The following BDP1 variants were observed in gnomAD, a reference collection of about 807,000 sequenced individuals.
BDP1 encodes BDP1 general transcription factor IIIB subunit.
A neutral mutation model predicts 266.6 loss-of-function variants in BDP1; 169 were observed. The observed-to-expected ratio is 0.63, with a 90% CI of 0.56 to 0.72. The LOEUF is 0.72. Ranked by LOEUF, BDP1 falls within the 30% of genes least tolerant of loss-of-function variation. BDP1 has a pLI of 0.00. For missense variants in BDP1, 3,015 were observed against 3,053.8 expected (o/e 0.99, Z 0.30); for synonymous variants, 1,090 against 1,022.4 (o/e 1.07, Z -1.26).
intron 25 of BDP1, 30 bp from the exon 26 acceptor site, chr5:71,532,278 A>C: frequency 6.2e-7 from 1 of 1,606,910 alleles, no homozygotes. Context: ...TAATATGCCA[A>C]AATGAAATGA....
intron 37 of BDP1, 58 bp downstream of exon 37, chr5:71,560,295 A>T: frequency 1.3e-6 from 2 of 1,532,414 alleles, no homozygotes; most frequent in East Asian, 4.5e-5. Context: ...AATATAACCT[A>T]TACAGAACAG....
chr5:71,573,816 G>A, the BDP1 span, among the ~76,000 whole-genome samples: 3 of 152,162 alleles, frequency 2.0e-5, no homozygotes, highest in East Asian at 1.9e-4. Flanking sequence ...GCCACTAAAC[G>A]TTCCTGGGCC....
At chr5:71,489,375 A>G in intron 9 of BDP1, 29 bp from the exon 10 acceptor site, 2 of 1,538,956 alleles carry the variant, frequency 1.3e-6, no homozygotes, top group Non-Finnish European at 1.8e-6. Flanking sequence ...GGTTGTTTAA[A>G]TATTTATAGT....
intron 29 of BDP1, 108 bp from the exon 30 acceptor site, chr5:71,541,997 G>A (rs1766996210): frequency 4.7e-6 from 4 of 842,966 alleles, no homozygotes; most frequent in South Asian, 2.0e-5. Flanking sequence ...CTTGTAGACA[G>A]TGTGGCACCT....
chr5:71,522,518 ATT>A, intron 23 of BDP1, 28 bp downstream of exon 23: 2 of 1,361,084 alleles, frequency 1.5e-6, no homozygotes, highest in Non-Finnish European at 2.0e-6. Flanking sequence ...AAAAAAAAAA[ATT>A]TTTTTTCTCA....
At chr5:71,558,582 T>G (rs1743395659) in intron 36 of BDP1, among the ~76,000 whole-genome samples, 1 of 150,788 alleles carries the variant, frequency 6.6e-6, no homozygotes, top group Non-Finnish European at 1.5e-5. Flanking sequence ...TCCCAGCACT[T>G]TGGGAGGCCA....
chr5:71,535,034 T>A (rs1435441445), intron 26 of BDP1, among the ~76,000 whole-genome samples: 1 of 152,220 alleles, frequency 6.6e-6, no homozygotes, highest in Non-Finnish European at 1.5e-5. Flanking sequence ...ATCCTGCAAC[T>A]TCTTTGGTGG....
chr5:71,496,085 A>G (rs571138618), intron 12 of BDP1, among the ~76,000 whole-genome samples: 2 of 152,132 alleles, frequency 1.3e-5, no homozygotes, highest in Admixed American at 6.5e-5. Flanking sequence ...TGCTAAAAAT[A>G]CAAAAAATTA....
At chr5:71,507,077 C>T (rs983515712) in intron 16 of BDP1, among the ~76,000 whole-genome samples, 2 of 152,092 alleles carry the variant, frequency 1.3e-5, no homozygotes, top group African/African-American at 2.4e-5. Flanking sequence ...CTTCCTTGGC[C>T]TCCCAAAGTG....
Position 71,458,580 on chromosome 5 carries a change from A to T in BDP1, c.214A>T (p.Thr72Ser), listed in dbSNP as rs1443524237. ...EPQEKAPRSS[T>S]EKTGGDNDVE... ...TTTTTTCTTTTTTAATTTCAACAGT[A>T]CTGAAAAGACTGGTGGTGACAATGA... Residue 72 changes from threonine to serine, a missense_variant and splice_region_variant, in exon 2 of 39, where the codon ACT (threonine) becomes TCT (serine). By Grantham distance (58) the Thr-to-Ser change is moderately conservative. This residue lies in a region of BDP1 where 2,383 missense variants were observed against 2,404.9 expected (regional missense o/e 0.99). Transcript: ENST00000358731. 38 of 1,605,956 alleles carry T rather than the reference A, an allele frequency of 2.4e-5. No homozygotes were observed. Among genetic ancestry groups the T allele is most frequent in the Non-Finnish European group, 2.9e-5 (34 of 1,176,262 alleles).
chr5:71,464,006 G>A, intron 3 of BDP1, 52 bp from the exon 4 acceptor site: 1 of 1,050,184 alleles, frequency 9.5e-7, no homozygotes, highest in Non-Finnish European at 1.4e-6. Flanking sequence ...GATAGAATTG[G>A]GAAGATATAA....
chr5:71,553,312 A>G lies in BDP1; in HGVS notation c.7192A>G (p.Thr2398Ala), dbSNP rs746581181. The G allele has an allele frequency of 1.9e-6, 3 of 1,611,690 alleles. No individual in the cohort carries two copies. The highest frequency in any genetic ancestry group is 2.5e-6 in the Non-Finnish European group (3 of 1,179,268). The part of the protein sequence containing the change: ...LTLRDDCQEY[T>A]TEVHSKELTN... ...TTTAAGAGATGACTGTCAAGAATAT[A>G]CCACTGAGGTAAGTGGTATATTAAG... Residue 2398 changes from threonine (T) to alanine (A), a missense_variant, in exon 35 of 39, where the codon ACC becomes GCC. This residue lies in a region of BDP1 where 629 missense variants were observed against 632.5 expected (regional missense o/e 0.99). Coordinates refer to ENST00000358731, the MANE Select transcript of BDP1 (RefSeq NM_018429.3).
rs565086754 is a variant in BDP1 at position 71,509,048 on chromosome 5, G to A, written c.2373-417G>A. 8.7e-4 allele frequency among the ~76,000 whole-genome samples: 132 copies of A among 152,216 alleles called. 3 individuals carry two copies. The South Asian group carries it at 0.017, about 20-fold the overall frequency. The stretch of plus-strand genomic sequence containing the variant: ...ATACTTGTATCCAGGTATTTGAGGT[G>A]GTCAGGTCTATTATGGCAAACCATT... On this transcript the variant is annotated intron_variant, in intron 16 of 38. Coordinates refer to ENST00000358731, the MANE Select transcript of BDP1 (RefSeq NM_018429.3).
At chr5:71,468,370 G>C (rs542283423) in intron 6 of BDP1, among the ~76,000 whole-genome samples, 2 of 152,050 alleles carry the variant, frequency 1.3e-5, no homozygotes, top group Admixed American at 6.5e-5. Context: ...GCCCAGGCTG[G>C]TCTCCAATGC....
Position 71,515,138 on chromosome 5 carries a change from C to T in BDP1, c.4649+16C>T, listed in dbSNP as rs1305417264. On this transcript the variant is annotated intron_variant, in intron 20 of 38. Coordinates refer to ENST00000358731, the MANE Select transcript of BDP1 (RefSeq NM_018429.3). ...TTTCTGTGGGGTAAACAGTGATTTT[C>T]TTTGACAATATAAAATAAGAGAGAT... The T allele has an allele frequency of 3.2e-6, 5 of 1,548,070 alleles. No individual in the cohort carries two copies. The highest frequency in any genetic ancestry group is 1.7e-4 in the Middle Eastern group (1 of 5,806).
intron 35 of BDP1, among the ~76,000 whole-genome samples, chr5:71,555,565 G>T (rs530255896): frequency 7.5e-4 from 114 of 151,672 alleles, no homozygotes; most frequent in Non-Finnish European, 1.3e-3. Context: ...TCAGCCTCCC[G>T]AGTAGCTGGG....
intron 24 of BDP1, 107 bp downstream of exon 24, chr5:71,523,056 C>A: frequency 1.3e-6 from 1 of 757,874 alleles, no homozygotes; most frequent in Non-Finnish European, 2.1e-6. Flanking sequence ...GTCCATTAGA[C>A]ATGGGTAGAA....
chr5:71,572,613 T>A (rs1744304769), downstream of BDP1, among the ~76,000 whole-genome samples: 1 of 152,220 alleles, frequency 6.6e-6, no homozygotes, highest in Non-Finnish European at 1.5e-5. Flanking sequence ...GAAAACATTA[T>A]GTGCAGTTGC....
Position 71,522,781 on chromosome 5 carries a change from T to C in BDP1, c.5219T>C (p.Leu1740Pro), listed in dbSNP as rs771478346. The change falls in exon 24 of 39, where the codon CTG becomes CCG. Residue 1740 changes from leucine (L) to proline (P), a missense_variant. Physicochemically the swap from Leu to Pro is moderately conservative, Grantham distance 98 (BLOSUM62 -3). Coordinates refer to ENST00000358731, the MANE Select transcript of BDP1 (RefSeq NM_018429.3). Reference sequence around the variant, plus strand: ...GAAAAAGCTGAGCTTCTGACATCTCTGGAGGTTTCAGCAAGAAAAGATTGT... The same window carrying C: ...GAAAAAGCTGAGCTTCTGACATCTCCGGAGGTTTCAGCAAGAAAAGATTGT... ...LKEKAELLTSLEVSARKDCVG... is the reference protein window; with the variant it reads ...LKEKAELLTSPEVSARKDCVG... 8 of 1,605,626 alleles carry C rather than the reference T, an allele frequency of 5.0e-6. No individual in the cohort carries two copies. The highest frequency in any genetic ancestry group is 1.7e-5 in the Admixed American group (1 of 57,842).
Sources: allele counts gnomAD v4.1 joint callset (sites outside exome capture counted in the v4.1 genomes callset), GRCh38; gene constraint gnomAD v4.1.1; regional missense constraint gnomAD v4.1.1; transcripts MANE v1.5; gene names NCBI Gene and HGNC (gene_info 2026-07-23, HGNC 2026-07-21).